HIF1A: variants seen among roughly 807,000 people sequenced by gnomAD.
The protein encoded by HIF1A is hypoxia-inducible factor 1-alpha.
Under a neutral mutation model 92.7 loss-of-function variants are expected in HIF1A, and 24 were observed. That is an observed-to-expected ratio of 0.26 (90% CI 0.19 to 0.36). The LOEUF (loss-of-function observed/expected upper bound fraction) is 0.36, where lower values mean the gene tolerates loss of function less well. Ranked by LOEUF, HIF1A falls within the 10% of genes least tolerant of loss-of-function variation. The pLI, the probability that HIF1A is intolerant of heterozygous loss-of-function variation, is 1.00. For synonymous variants in HIF1A, 319 were observed against 338.7 expected, an observed-to-expected ratio of 0.94 and a Z score of 0.64; for missense variants, 799 against 998.5, an observed-to-expected ratio of 0.80 and a Z score of 2.69.
chr14:61,702,995 G>T (rs2044194664), intron 1 of HIF1A, among the ~76,000 whole-genome samples: 1 of 152,128 alleles, frequency 6.6e-6, no homozygotes, highest in African/African-American at 2.4e-5. Flanking sequence ...TAATATTAAT[G>T]TTGGGTACTT....
intron 1 of HIF1A, among the ~76,000 whole-genome samples, chr14:61,706,250 T>G (rs1452807396): frequency 2.6e-5 from 4 of 152,216 alleles, no homozygotes; most frequent in Admixed American, 2.6e-4. Context: ...CAGTGATTCT[T>G]CACTCTTGAA....
At position 61,729,891 on chromosome 14, in the gene HIF1A, G is replaced by C. The variant is rs533979097; in HGVS notation, c.773+2236G>C. The stretch of plus-strand genomic sequence containing the variant: ...TTGACCAGCAGACTGTTATTTTCTG[G>C]TTTAGAGCTCTTTCCAGGAACTTCT... On this transcript the variant is annotated intron_variant, in intron 6 of 14. Coordinates refer to ENST00000337138, the MANE Select transcript of HIF1A (RefSeq NM_001530.4). Among the ~76,000 whole-genome samples the C allele has an allele frequency of 3.3e-5, 5 of 152,188 alleles. No homozygotes were observed. The South Asian group carries it at 1.0e-3, about 32-fold the overall frequency.
chr14:61,699,288 A>G (rs570894377), intron 1 of HIF1A, among the ~76,000 whole-genome samples: 1 of 152,156 alleles, frequency 6.6e-6, no homozygotes, highest in East Asian at 1.9e-4. Context: ...TGCAGTTTGG[A>G]GAATGTCAAC....
intron 5 of HIF1A, 31 bp downstream of exon 5, chr14:61,726,849 C>A: frequency 8.0e-7 from 1 of 1,247,546 alleles, no homozygotes; most frequent in Non-Finnish European, 1.2e-6. Context: ...ATTGATTATA[C>A]ACTTTATTTA....
intron 1 of HIF1A, among the ~76,000 whole-genome samples, chr14:61,707,866 C>T (rs1264319405): frequency 2.0e-5 from 3 of 151,644 alleles, no homozygotes; most frequent in African/African-American, 7.3e-5. Context: ...GTTCTAGATC[C>T]CTGAGGAATC....
intron 1 of HIF1A, among the ~76,000 whole-genome samples, chr14:61,718,707 A>C (rs547055572): frequency 6.6e-6 from 1 of 152,314 alleles, no homozygotes; most frequent in South Asian, 2.1e-4. Context: ...ATTGTACAGC[A>C]TTGAGAAAAT....
rs539732860 is a variant in HIF1A, at chr14:61,728,160, T to A, written c.773+505T>A. On this transcript the variant is annotated intron_variant, in intron 6 of 14. Transcript: ENST00000337138. The stretch of plus-strand genomic sequence containing the variant: ...AACATTTACTCTGTACTATGAACAC[T>A]TACTTTACTAGGTGCTATCCAGAAG... Among the ~76,000 whole-genome samples the A allele has an allele frequency of 2.7e-3, 412 of 152,354 alleles. 4 individuals carry two copies. Among genetic ancestry groups the A allele is most frequent in the African/African-American group, 9.2e-3 (381 of 41,592 alleles).
At chr14:61,744,846 C>G (rs375093021) in intron 13 of HIF1A, 33 bp downstream of exon 13, 1 of 952,842 alleles carries the variant, frequency 1.0e-6, no homozygotes, top group African/African-American at 1.7e-5. Context: ...GCTTTTCTAG[C>G]TAATGTGCTA....
chr14:61,721,567 C>T lies in HIF1A; in HGVS notation c.285C>T (p.Ala95=), dbSNP rs779453756. 7.4e-6 allele frequency: 12 copies of T among 1,612,444 alleles called. No homozygotes were observed. The highest frequency in any genetic ancestry group is 1.3e-5 in the African/African-American group (1 of 74,832). Residue 95 remains alanine (A), a synonymous_variant, in exon 3 of 15, where the codon GCC becomes GCT. Coordinates refer to ENST00000337138, the MANE Select transcript of HIF1A (RefSeq NM_001530.4). ...KAQMNCFYLK[A]LDGFVMVLTD... is the part of the protein sequence containing the mutation. ...AGATGAATTGCTTTTATTTGAAAGCCTTGGATGGTTTTGTTATGGTTCTCA... is the reference window on the plus strand; with the variant it reads ...AGATGAATTGCTTTTATTTGAAAGCTTTGGATGGTTTTGTTATGGTTCTCA...
chr14:61,727,954 G>A (rs183934370), intron 6 of HIF1A, among the ~76,000 whole-genome samples: 50 of 150,346 alleles, frequency 3.3e-4, no homozygotes, highest in Admixed American at 2.4e-3. Context: ...GGAGGTGGAT[G>A]TTGTGGTGAG....
chr14:61,710,604 A>T (rs1159194448), intron 1 of HIF1A, among the ~76,000 whole-genome samples: 4 of 152,058 alleles, frequency 2.6e-5, no homozygotes, highest in African/African-American at 4.8e-5. Flanking sequence ...GGTTTTTGCT[A>T]TTTTTTCCAT....
chr14:61,696,513 G>T (rs2044118663), intron 1 of HIF1A, among the ~76,000 whole-genome samples: 1 of 152,152 alleles, frequency 6.6e-6, no homozygotes, highest in Non-Finnish European at 1.5e-5. Flanking sequence ...CGTTTTAATC[G>T]CCTTGAAAAA....
chr14:61,696,121 C>A (rs969858381), intron 1 of HIF1A, among the ~76,000 whole-genome samples: 9 of 152,226 alleles, frequency 5.9e-5, no homozygotes, highest in African/African-American at 2.2e-4. Flanking sequence ...GGGGGCCTCG[C>A]GCCGCCCACC....
chr14:61,742,863 C>T (rs1468065479), intron 12 of HIF1A, among the ~76,000 whole-genome samples: 1 of 105,424 alleles, frequency 9.5e-6, no homozygotes, highest in African/African-American at 3.7e-5. Context: ...CCAGCCTGGG[C>T]GAGAAGAGTG....
chr14:61,737,170 C>G lies in HIF1A; in HGVS notation c.1249+61C>G, dbSNP rs1021212042. The G allele has an allele frequency of 9.0e-6, 10 of 1,111,798 alleles. No homozygotes were observed. The African/African-American group carries it at 1.2e-4, about 14-fold the overall frequency. The allele number at this position is 1,111,798 out of a possible 1,614,324, so 68.9% of individuals were successfully genotyped here. A position where few individuals can be genotyped will look rare whatever the true frequency, so the allele number is the denominator to read the frequency against. Reference sequence around the variant, plus strand: ...TCTGTTGCTACAAGCCCCATTTCAACTAAACATTACTTTACGGTTTTTGTT... The same window carrying G: ...TCTGTTGCTACAAGCCCCATTTCAAGTAAACATTACTTTACGGTTTTTGTT... On this transcript the variant is annotated intron_variant, in intron 9 of 14. Coordinates refer to ENST00000337138, the MANE Select transcript of HIF1A (RefSeq NM_001530.4).
chr14:61,703,769 G>C (rs1306367096), intron 1 of HIF1A, among the ~76,000 whole-genome samples: 1 of 152,066 alleles, frequency 6.6e-6, no homozygotes, highest in African/African-American at 2.4e-5. Context: ...CATATTTGAT[G>C]GTCTTCTTGT....
intron 4 of HIF1A, among the ~76,000 whole-genome samples, chr14:61,726,149 ATCTGT>A (rs1423790534): frequency 6.6e-6 from 1 of 151,938 alleles, no homozygotes; most frequent in Admixed American, 6.6e-5. Context: ...AAGTCATTTG[ATCTGT>A]TGTTGTTGTT....
chr14:61,746,710 T>A (rs552487553), intron 14 of HIF1A, among the ~76,000 whole-genome samples: 2 of 152,296 alleles, frequency 1.3e-5, no homozygotes, highest in South Asian at 4.1e-4. Flanking sequence ...TTTTCCAAAT[T>A]GTTATTTCTT....
At chr14:61,726,606 C>G in intron 4 of HIF1A, 100 bp from the exon 5 acceptor site, 1 of 631,200 alleles carries the variant, frequency 1.6e-6, no homozygotes, top group Non-Finnish European at 2.8e-6. Flanking sequence ...CTTAATTGAA[C>G]GGGTATTCAG....
Sources: allele counts gnomAD v4.1 joint callset (sites outside exome capture counted in the v4.1 genomes callset), GRCh38; gene constraint gnomAD v4.1.1; transcripts MANE v1.5; gene names NCBI Gene and HGNC (gene_info 2026-07-23, HGNC 2026-07-21).